Variants in SNX13 observed in about 807,000 individuals in gnomAD.
The protein encoded by SNX13 is sorting nexin 13, also known as sorting nexin-13.
In SNX13, 45 loss-of-function variants were observed where a neutral mutation model predicts 133.6. That is an observed-to-expected ratio of 0.34 (90% confidence interval 0.27 to 0.43). SNX13 has a LOEUF of 0.43. Among genes scored for constraint, SNX13 ranks in the 20% least tolerant of loss-of-function variants. The pLI is 1.00. For synonymous variants in SNX13, 414 were observed against 373.9 expected (o/e 1.11, Z -1.24); for missense variants, 1,032 against 1,145.1 (o/e 0.90, Z 1.43).
chr7:17,792,757 T>C lies in SNX13; in HGVS notation c.*1288A>G, dbSNP rs538973158. On this transcript the variant is annotated 3_prime_UTR_variant, in exon 26 of 26. Transcript: ENST00000428135. ...GAAAGTATTTAAAACTATGCAGAAA[T>C]CCTGCATAGAAGGGATGTGAATACT... The C allele has an allele frequency of 2.0e-5, 3 of 152,266 alleles. No individual in the cohort carries two copies. Among genetic ancestry groups the C allele is most frequent in the African/African-American group, 7.3e-5 (3 of 41,364 alleles). The allele number at this position is 152,266 out of a possible 1,614,324, so 9.4% of individuals were successfully genotyped here. A position where few individuals can be genotyped will look rare whatever the true frequency, so the allele number is the denominator to read the frequency against.
chr7:17,882,938 G>C (rs773025953), intron 5 of SNX13: 2 of 744,406 alleles, frequency 2.7e-6, no homozygotes, highest in East Asian at 8.9e-5. Context: ...GCGACAGGGC[G>C]AGACTCTGTC....
intron 12 of SNX13, among the ~76,000 whole-genome samples, chr7:17,844,422 A>C (rs2128320041): frequency 6.6e-6 from 1 of 152,198 alleles, no homozygotes; most frequent in Non-Finnish European, 1.5e-5. Flanking sequence ...AAAAATCGTC[A>C]ATAAAGAAAA....
intron 1 of SNX13, among the ~76,000 whole-genome samples, chr7:17,910,402 T>G (rs1447978540): frequency 6.6e-6 from 1 of 152,212 alleles, no homozygotes. Flanking sequence ...ATTTTTGGCT[T>G]TCTTTTTCAA....
intron 5 of SNX13, chr7:17,888,268 CAAG>C (rs1441575778): frequency 6.6e-6 from 1 of 152,034 alleles, no homozygotes; most frequent in Admixed American, 6.6e-5. Context: ...GGTAAATGGT[CAAG>C]CAAAGATATA....
At chr7:17,926,349 G>T (rs899515421) in intron 1 of SNX13, among the ~76,000 whole-genome samples, 1 of 151,910 alleles carries the variant, frequency 6.6e-6, no homozygotes, top group Admixed American at 6.6e-5. Context: ...GTAGAAAACT[G>T]CTTGGAAATT....
rs754236300 is a variant in SNX13 at position 17,816,435 on chromosome 7, G to A, written c.1846-146C>T. The A allele has an allele frequency of 9.3e-5, 89 of 957,554 alleles. 1 individual carries two copies. Among genetic ancestry groups the A allele is most frequent in the Non-Finnish European group, 1.3e-4 (87 of 682,284 alleles). The allele number at this position is 957,554 out of a possible 1,614,324, so 59.3% of individuals were successfully genotyped here. A position where few individuals can be genotyped will look rare whatever the true frequency, so the allele number is the denominator to read the frequency against. On this transcript the variant is annotated intron_variant, in intron 18 of 25. Transcript: ENST00000428135. Reference sequence around the variant, plus strand: ...CCAGCACTTTGGGAGGCTGAGGCAGGCGGATCACCTGAGGTCGGGAGTTTG... The same window carrying A: ...CCAGCACTTTGGGAGGCTGAGGCAGACGGATCACCTGAGGTCGGGAGTTTG...
At chr7:17,916,536 C>T (rs1451183749) in intron 1 of SNX13, among the ~76,000 whole-genome samples, 7 of 151,958 alleles carry the variant, frequency 4.6e-5, no homozygotes, top group Non-Finnish European at 1.0e-4. Flanking sequence ...TCTGTATGTA[C>T]ACAAACAAGA....
intron 9 of SNX13, among the ~76,000 whole-genome samples, chr7:17,858,559 T>C (rs1206910940): frequency 6.6e-6 from 1 of 152,120 alleles, no homozygotes; most frequent in Non-Finnish European, 1.5e-5. Context: ...CTATCCATTC[T>C]TCCTAAATTC....
At chr7:17,798,050 T>G (rs1328014568) in intron 24 of SNX13, among the ~76,000 whole-genome samples, 2 of 151,876 alleles carry the variant, frequency 1.3e-5, no homozygotes, top group East Asian at 3.9e-4. Flanking sequence ...TTCCTTTCCT[T>G]CCCTTCAAAA....
At chr7:17,887,636 GAAGT>G (rs1796156665) in intron 5 of SNX13, among the ~76,000 whole-genome samples, 2 of 152,192 alleles carry the variant, frequency 1.3e-5, no homozygotes, top group East Asian at 1.9e-4. Flanking sequence ...AAGAGCTTAA[GAAGT>G]AATAGAGCTA....
rs1295808521 is a variant in SNX13 at position 17,940,421 on chromosome 7, C to T, written c.-126G>A. 3.7e-6 allele frequency: 4 copies of T among 1,095,032 alleles called. No homozygotes were observed. The highest frequency in any genetic ancestry group is 3.1e-5 in the African/African-American group (2 of 64,368). 67.8% of individuals were successfully genotyped at this position (1,095,032 alleles called of 1,614,324 possible). A position where few individuals can be genotyped will look rare whatever the true frequency, so the allele number is the denominator to read the frequency against. ...GCTCCTTCAGTCTTCTCCCGGGCGG[C>T]GGTTTTACTCGGCTTCGCTGGCCTC... On this transcript the variant is annotated 5_prime_UTR_variant, in exon 1 of 26. Coordinates refer to ENST00000428135, the MANE Select transcript of SNX13 (RefSeq NM_015132.5).
chr7:17,829,505 C>T (rs1788248411), intron 16 of SNX13, among the ~76,000 whole-genome samples: 1 of 151,240 alleles, frequency 6.6e-6, no homozygotes, highest in Non-Finnish European at 1.5e-5. Context: ...ACTGTCTAAA[C>T]TTACAAAAAA....
intron 5 of SNX13, among the ~76,000 whole-genome samples, chr7:17,887,944 G>A (rs1796195808): frequency 6.6e-6 from 1 of 152,022 alleles, no homozygotes; most frequent in South Asian, 2.1e-4. Flanking sequence ...AGAGGTGATA[G>A]TTTTTGCTGC....
At chr7:17,895,566 GT>G (rs1383848699) in intron 2 of SNX13, among the ~76,000 whole-genome samples, 1 of 152,086 alleles carries the variant, frequency 6.6e-6, no homozygotes, top group Non-Finnish European at 1.5e-5. Context: ...ATTCTCTAGA[GT>G]TTTTTAGTAC....
intron 1 of SNX13, among the ~76,000 whole-genome samples, chr7:17,933,514 G>A (rs985335342): frequency 2.7e-5 from 4 of 150,866 alleles, no homozygotes; most frequent in African/African-American, 9.8e-5. Context: ...CTGCACTCCA[G>A]CCTGGGCAAC....
At chr7:17,925,533 T>C (rs769331898) in intron 1 of SNX13, among the ~76,000 whole-genome samples, 50 of 151,974 alleles carry the variant, frequency 3.3e-4, no homozygotes, top group Non-Finnish European at 5.4e-4. Context: ...CAAAACAGAT[T>C]CAAGATAAAA....
intron 13 of SNX13, among the ~76,000 whole-genome samples, chr7:17,838,985 C>A (rs895551928): frequency 6.7e-6 from 1 of 149,732 alleles, no homozygotes; most frequent in East Asian, 1.9e-4. Flanking sequence ...ATATATATAA[C>A]AATATATGCA....
At chr7:17,902,506 C>T (rs972621407) in intron 1 of SNX13, among the ~76,000 whole-genome samples, 2 of 152,028 alleles carry the variant, frequency 1.3e-5, no homozygotes, top group African/African-American at 2.4e-5. Context: ...ACATTATAAT[C>T]TTATTAGTGA....
chr7:17,831,335 T>A (rs1167804164), intron 15 of SNX13: 2 of 887,838 alleles, frequency 2.3e-6, no homozygotes, highest in Admixed American at 6.3e-5. Flanking sequence ...GAAAGCATAA[T>A]TCATATAGTT....
Sources: allele counts gnomAD v4.1 joint callset (sites outside exome capture counted in the v4.1 genomes callset), GRCh38; gene constraint gnomAD v4.1.1; transcripts MANE v1.5; gene names NCBI Gene and HGNC (gene_info 2026-07-23, HGNC 2026-07-21).